The following RALYL variants were observed in gnomAD, a reference collection of about 807,000 sequenced individuals.
The protein encoded by RALYL is RALY RNA binding protein like.
A neutral mutation model predicts 35.1 loss-of-function variants in RALYL; 29 were observed. The ratio of observed to expected loss-of-function variants is 0.83; its 90% confidence interval spans 0.61 to 1.13. RALYL has a LOEUF of 1.13. RALYL is among the 50% of genes most tolerant of loss of function. RALYL has a pLI of 0.00. For missense variants in RALYL, 359 were observed against 360.4 expected (o/e 1.00, Z 0.03); for synonymous variants, 120 against 127.6 (o/e 0.94, Z 0.40).
chr8:84,751,938 A>G (rs554588289), intron 2 of RALYL, among the ~76,000 whole-genome samples: 1 of 152,342 alleles, frequency 6.6e-6, no homozygotes, highest in South Asian at 2.1e-4. Context: ...GGTACTGAGA[A>G]GTGGGGCATT....
chr8:84,202,202 T>A (rs1817000551), intron 1 of RALYL, among the ~76,000 whole-genome samples: 1 of 150,584 alleles, frequency 6.6e-6, no homozygotes, highest in South Asian at 2.1e-4. Context: ...TTTATATTTT[T>A]GGTTTAAAAA....
intron 2 of RALYL, among the ~76,000 whole-genome samples, chr8:84,761,641 G>C (rs1285500626): frequency 1.3e-5 from 2 of 152,112 alleles, no homozygotes; most frequent in African/African-American, 4.8e-5. Flanking sequence ...CAGCAATGTT[G>C]AGTCACAGAA....
intron 2 of RALYL, among the ~76,000 whole-genome samples, chr8:84,602,095 A>T (rs1433283768): frequency 6.6e-6 from 1 of 152,098 alleles, no homozygotes; most frequent in East Asian, 1.9e-4. Flanking sequence ...TTAAAGAGGC[A>T]TGTAGTGTTG....
rs1458259856 is a variant in RALYL at position 84,529,337 on chromosome 8, C to A, written c.16C>A (p.Gln6Lys). 1 of 1,577,286 alleles carries A rather than the reference C, an allele frequency of 6.3e-7. No homozygotes were observed. The highest frequency in any genetic ancestry group is 1.2e-5 in the South Asian group (1 of 86,884). Residue 6 changes from glutamine (Q) to lysine (K), a missense_variant, in exon 2 of 9, where the codon CAG (glutamine) becomes AAG (lysine). Gln to Lys is a moderately conservative substitution (Grantham distance 53). Transcript: ENST00000521268. ...AGAGCCAATCATGACTGGCAAAACA[C>A]AGACCAGCAACGTCACCAATAAGAA... MTGKT[Q>K]TSNVTNKNDP... is the part of the protein sequence containing the mutation.
intron 2 of RALYL, among the ~76,000 whole-genome samples, chr8:84,538,778 C>T (rs374115624): frequency 5.9e-5 from 9 of 152,018 alleles, no homozygotes; most frequent in African/African-American, 1.2e-4. Flanking sequence ...AAGGCTTATG[C>T]GCCAGTTGTG....
In RALYL at chr8:84,519,945, A is replaced by G. The variant is rs565992793; in HGVS notation, c.-23-9354A>G. 3.3e-5 allele frequency among the ~76,000 whole-genome samples: 5 copies of G among 152,298 alleles called. No homozygotes were observed. The South Asian group carries it at 1.0e-3, about 32-fold the overall frequency. On this transcript the variant is annotated intron_variant, in intron 1 of 8. Coordinates refer to ENST00000521268, the MANE Select transcript of RALYL (RefSeq NM_173848.7). ...TCTGCCAAATATGATTCAAATAGCA[A>G]TCAGTGACACAGGGTTGCATCTGTG...
At chr8:84,321,242 T>C (rs1844750040) in intron 1 of RALYL, among the ~76,000 whole-genome samples, 1 of 152,150 alleles carries the variant, frequency 6.6e-6, no homozygotes, top group Admixed American at 6.6e-5. Context: ...GTGAAGAAGT[T>C]GGAAGTCATA....
chr8:84,476,202 A>G lies in RALYL; in HGVS notation c.-23-53097A>G, dbSNP rs905825466. ...TGTTAACCTTAAACAGGGAAGCCAG[A>G]TTCTATGCTAATTTCAATGTGAGAT... On this transcript the variant is annotated intron_variant, in intron 1 of 8. Transcript: ENST00000521268. Among the ~76,000 whole-genome samples, 15 of 152,174 alleles carry G rather than the reference A, an allele frequency of 9.9e-5. 1 individual carries two copies. The highest frequency in any genetic ancestry group is 7.4e-5 in the Non-Finnish European group (5 of 68,006).
intron 2 of RALYL, among the ~76,000 whole-genome samples, chr8:84,605,849 A>G (rs1817010825): frequency 6.6e-6 from 1 of 152,084 alleles, no homozygotes; most frequent in Non-Finnish European, 1.5e-5. Flanking sequence ...AGGCTGAACT[A>G]TGATGCTCGT....
chr8:84,316,120 C>A (rs1397754442), intron 1 of RALYL, among the ~76,000 whole-genome samples: 1 of 152,014 alleles, frequency 6.6e-6, no homozygotes, highest in Non-Finnish European at 1.5e-5. Flanking sequence ...CTCACGTTTC[C>A]ATCAGGATTT....
chr8:84,195,332 C>T (rs2130923358), intron 1 of RALYL, among the ~76,000 whole-genome samples: 1 of 152,208 alleles, frequency 6.6e-6, no homozygotes, highest in East Asian at 1.9e-4. Context: ...CCCAGCTACT[C>T]AGGAGGCTAA....
In RALYL at chr8:84,365,517, T is replaced by G. The variant is rs534533199; in HGVS notation, c.-23-163782T>G. Among the ~76,000 whole-genome samples, 3 of 152,274 alleles carry G rather than the reference T, an allele frequency of 2.0e-5. No individual in the cohort carries two copies. The South Asian group carries it at 6.2e-4, about 32-fold the overall frequency. On this transcript the variant is annotated intron_variant, in intron 1 of 8. Transcript: ENST00000521268. Reference sequence around the variant, plus strand: ...TAACTCAATTTATATAATAAAAGGATAAAAATGAACAACTAAAAGGAAATT... The same window carrying G: ...TAACTCAATTTATATAATAAAAGGAGAAAAATGAACAACTAAAAGGAAATT...
chr8:84,359,436 A>G (rs1852504166), intron 1 of RALYL, among the ~76,000 whole-genome samples: 1 of 152,032 alleles, frequency 6.6e-6, no homozygotes. Context: ...TATTCTGTTT[A>G]TAATATATTT....
At chr8:84,716,136 T>C (rs1421596667) in intron 2 of RALYL, among the ~76,000 whole-genome samples, 1 of 152,152 alleles carries the variant, frequency 6.6e-6, no homozygotes, top group East Asian at 1.9e-4. Context: ...AAACACATTG[T>C]TCTTCAAATT....
intron 8 of RALYL, among the ~76,000 whole-genome samples, chr8:84,907,413 T>C (rs985327615): frequency 2.0e-5 from 3 of 151,876 alleles, no homozygotes; most frequent in Admixed American, 6.6e-5. Flanking sequence ...AAGAAAACAA[T>C]ACTGTTTCCA....
intron 2 of RALYL, among the ~76,000 whole-genome samples, chr8:84,600,706 A>G (rs989727553): frequency 6.6e-6 from 1 of 152,018 alleles, no homozygotes; most frequent in East Asian, 1.9e-4. Flanking sequence ...TGAGGAGGGG[A>G]TTTTTAAAAA....
At chr8:84,272,652 T>C (rs1028295689) in intron 1 of RALYL, among the ~76,000 whole-genome samples, 7 of 152,154 alleles carry the variant, frequency 4.6e-5, no homozygotes, top group African/African-American at 1.7e-4. Context: ...GCAAGTAAAA[T>C]GGCAATTTCA....
chr8:84,311,090 A>AAT lies in RALYL; in HGVS notation c.-24+126667_-24+126668dup, dbSNP rs1563712525. On this transcript the variant is annotated intron_variant, in intron 1 of 8. Coordinates refer to ENST00000521268, the MANE Select transcript of RALYL (RefSeq NM_173848.7). ...AAAAAAAAAAAAAAAAAAAAAAAAA[A>AAT]ATGTATATTAATGTATAGTATAAAT... 3.5e-4 allele frequency among the ~76,000 whole-genome samples: 35 copies of AAT among 99,764 alleles called. 2 individuals carry two copies. Among genetic ancestry groups the AAT allele is most frequent in the East Asian group, 1.1e-3 (3 of 2,856 alleles). 65.4% of individuals were successfully genotyped at this position (99,764 alleles called of 152,430 possible). A position where few individuals can be genotyped will look rare whatever the true frequency, so the allele number is the denominator to read the frequency against.
intron 1 of RALYL, among the ~76,000 whole-genome samples, chr8:84,497,039 G>A (rs1400210920): frequency 1.3e-5 from 2 of 152,036 alleles, no homozygotes; most frequent in African/African-American, 4.8e-5. Context: ...ATATTCTAAT[G>A]CAAAACTCTA....
Sources: allele counts gnomAD v4.1 joint callset (sites outside exome capture counted in the v4.1 genomes callset), GRCh38; gene constraint gnomAD v4.1.1; transcripts MANE v1.5; gene names NCBI Gene and HGNC (gene_info 2026-07-23, HGNC 2026-07-21).